Variants in SLC15A1 observed in about 807,000 individuals in gnomAD.
The protein encoded by SLC15A1 is Caco-2 oligopeptide transporter.
Under a neutral mutation model 92.9 loss-of-function variants are expected in SLC15A1, and 83 were observed. The ratio of observed to expected loss-of-function variants is 0.89; its 90% confidence interval spans 0.75 to 1.07. The LOEUF (loss-of-function observed/expected upper bound fraction) is 1.07, where lower values mean the gene tolerates loss of function less well. Among genes scored for constraint, SLC15A1 ranks in the 50% least tolerant of loss-of-function variants. The pLI is 0.00. For missense variants in SLC15A1, 857 were observed against 880.1 expected, an observed-to-expected ratio of 0.97 and a Z score of 0.33; for synonymous variants, 322 against 318.2, an observed-to-expected ratio of 1.01 and a Z score of -0.13.
intron 1 of SLC15A1, among the ~76,000 whole-genome samples, chr13:98,740,057 G>A (rs1594009853): frequency 2.0e-5 from 3 of 152,342 alleles, no homozygotes; most frequent in African/African-American, 7.2e-5. Context: ...GTCAGACCAT[G>A]GGGATGAGGA....
chr13:98,721,188 C>G, intron 7 of SLC15A1: 1 of 555,554 alleles, frequency 1.8e-6, no homozygotes, highest in Non-Finnish European at 3.5e-6. Context: ...TCCAAGGCAC[C>G]TCTCTTGCCT....
At chr13:98,725,875 G>A (rs1407691348) in intron 4 of SLC15A1, among the ~76,000 whole-genome samples, 1 of 152,112 alleles carries the variant, frequency 6.6e-6, no homozygotes, top group East Asian at 1.9e-4. Context: ...ACAGGTGTAT[G>A]CCACTATGCC....
chr13:98,735,163 G>A (rs1252859625), intron 1 of SLC15A1, among the ~76,000 whole-genome samples: 1 of 152,148 alleles, frequency 6.6e-6, no homozygotes, highest in Non-Finnish European at 1.5e-5. Flanking sequence ...CTTCATCCAT[G>A]GGTTGCAAGG....
chr13:98,707,134 T>C (rs1019020214), intron 15 of SLC15A1, among the ~76,000 whole-genome samples: 3 of 152,196 alleles, frequency 2.0e-5, no homozygotes, highest in Non-Finnish European at 2.9e-5. Context: ...AAGCAAGCCA[T>C]GTCCACCTTA....
rs2088442206 is a variant in SLC15A1, at chr13:98,741,269, T to C, written c.4+11326A>G. Among the ~76,000 whole-genome samples the C allele has an allele frequency of 2.0e-5, 3 of 152,220 alleles. No homozygotes were observed. The South Asian group carries it at 6.2e-4, about 31-fold the overall frequency. On this transcript the variant is annotated intron_variant, in intron 1 of 22. Transcript: ENST00000376503. ...TCCTGCTGGGACCGCCATGAAGGCA[T>C]AGCCGGCACCCAGGCTGTGCCCATC...
chr13:98,709,684 T>C (rs780016488), intron 13 of SLC15A1, 24 bp from the exon 14 acceptor site: 5 of 1,614,074 alleles, frequency 3.1e-6, no homozygotes, highest in Non-Finnish European at 4.2e-6. Context: ...GGAGGAGAAA[T>C]GTTAAGCTTG....
chr13:98,726,620 C>T (rs2088304085), intron 2 of SLC15A1, 171 bp from the exon 3 acceptor site: 1 of 751,220 alleles, frequency 1.3e-6, no homozygotes, highest in African/African-American at 1.7e-5. Flanking sequence ...CTAATCCTTC[C>T]ACATAGAGAC....
chr13:98,744,547 A>G (rs1286930962), intron 1 of SLC15A1, among the ~76,000 whole-genome samples: 1 of 151,810 alleles, frequency 6.6e-6, no homozygotes, highest in Non-Finnish European at 1.5e-5. Flanking sequence ...TTAGGAAATC[A>G]AGATCAGCCT....
rs552772082 is a variant in SLC15A1 at position 98,684,824 on chromosome 13, G to A, written c.2027C>T (p.Ala676Val). 89 of 1,614,026 alleles carry A rather than the reference G, an allele frequency of 5.5e-5. No individual in the cohort carries two copies. Among genetic ancestry groups the A allele is most frequent in the Admixed American group, 3.8e-4 (23 of 59,984 alleles). ...CTCATCAAATTGAGCTTCGATCTCC[G>A]CTGGGTTGATGTAAGTATAGAACCG... ...MARFYTYINPAEIEAQFDEDE... is the reference protein window; with the variant it reads ...MARFYTYINPVEIEAQFDEDE... Residue 676 changes from alanine (A) to valine (V), a missense_variant, in exon 23 of 23, where the codon GCG becomes GTG. By Grantham distance (64) the Ala-to-Val change is moderately conservative. Coordinates refer to ENST00000376503, the MANE Select transcript of SLC15A1 (RefSeq NM_005073.4).
intron 1 of SLC15A1, among the ~76,000 whole-genome samples, chr13:98,730,216 GAGGGGAAGGGAAGGGGAAGGGA>G (rs758457434): frequency 1.2e-4 from 9 of 75,476 alleles, no homozygotes; most frequent in East Asian, 5.0e-4. Context: ...AAAAGGAAGG[GAGGGGAAGGGAAGGGGAAGGGA>G]AGGGGAAGGG....
intron 21 of SLC15A1, among the ~76,000 whole-genome samples, chr13:98,687,276 A>T (rs2087936170): frequency 6.6e-6 from 1 of 152,184 alleles, no homozygotes; most frequent in Non-Finnish European, 1.5e-5. Context: ...AGAAAGGAGA[A>T]TCTGCTGACC....
intron 1 of SLC15A1, among the ~76,000 whole-genome samples, chr13:98,730,318 C>T (rs1362587165): frequency 7.0e-6 from 1 of 143,434 alleles, no homozygotes; most frequent in African/African-American, 2.6e-5. Flanking sequence ...TTTAGATGCT[C>T]TTTTTAGTCC....
Position 98,744,812 on chromosome 13 carries a change from G to A in SLC15A1, c.4+7783C>T, listed in dbSNP as rs114175194. Among the ~76,000 whole-genome samples the A allele has an allele frequency of 2.0e-3, 302 of 150,500 alleles. 2 individuals carry two copies. Among genetic ancestry groups the A allele is most frequent in the African/African-American group, 6.9e-3 (283 of 40,894 alleles). On this transcript the variant is annotated intron_variant, in intron 1 of 22. Transcript: ENST00000376503. ...TTACTTTTGCACCAACCTAATATTT[G>A]GGTTGCACATGGCTCTTTCCTATCA...
intron 1 of SLC15A1, among the ~76,000 whole-genome samples, chr13:98,735,810 A>G (rs985969404): frequency 4.6e-5 from 7 of 152,232 alleles, no homozygotes; most frequent in African/African-American, 1.7e-4. Context: ...CTTTAAGGAG[A>G]ACCACAAACC....
intron 7 of SLC15A1, chr13:98,721,109 A>G (rs1232599149): frequency 2.1e-6 from 1 of 486,410 alleles, no homozygotes; most frequent in African/African-American, 2.0e-5. Flanking sequence ...ACTCTTCCTA[A>G]GTCACAGAAA....
chr13:98,738,211 G>A (rs1016818286), intron 1 of SLC15A1, among the ~76,000 whole-genome samples: 1 of 152,178 alleles, frequency 6.6e-6, no homozygotes, highest in African/African-American at 2.4e-5. Flanking sequence ...GGGAAGTAGA[G>A]TGTAAAAGTT....
At chr13:98,722,815 G>A (rs1253606073) in intron 5 of SLC15A1, among the ~76,000 whole-genome samples, 2 of 152,146 alleles carry the variant, frequency 1.3e-5, no homozygotes, top group African/African-American at 4.8e-5. Flanking sequence ...ACGGCCAACT[G>A]AATATTATAT....
chr13:98,750,761 T>G (rs2088538425), intron 1 of SLC15A1, among the ~76,000 whole-genome samples: 1 of 151,920 alleles, frequency 6.6e-6, no homozygotes, highest in Non-Finnish European at 1.5e-5. Flanking sequence ...GTTCTTTTTT[T>G]TTTTTTTTGA....
At chr13:98,751,987 G>A (rs1189884582) in intron 1 of SLC15A1, among the ~76,000 whole-genome samples, 1 of 152,200 alleles carries the variant, frequency 6.6e-6, no homozygotes, top group Non-Finnish European at 1.5e-5. Context: ...ATTCGGAAGC[G>A]GGGCAGGAGT....
Sources: allele counts gnomAD v4.1 joint callset (sites outside exome capture counted in the v4.1 genomes callset), GRCh38; gene constraint gnomAD v4.1.1; transcripts MANE v1.5; gene names NCBI Gene and HGNC (gene_info 2026-07-23, HGNC 2026-07-21).